The following SUMF2 variants were observed in gnomAD, a reference collection of about 807,000 sequenced individuals.
SUMF2 encodes the protein sulfatase modifying factor 2.
SUMF2 carries 45 observed loss-of-function variants against 44.8 expected under a neutral mutation model. The observed-to-expected ratio is 1.00, with a 90% confidence interval of 0.79 to 1.29. The LOEUF (loss-of-function observed/expected upper bound fraction) is 1.29. Among genes scored for constraint, SUMF2 ranks in the 50% most tolerant of loss-of-function variants. The pLI is 0.00. For synonymous variants in SUMF2, 148 were observed against 150.4 expected (o/e 0.98, Z 0.12); for missense variants, 418 against 389.9 (o/e 1.07, Z -0.61).
chr7:56,082,775 C>T (rs1371081495), downstream of SUMF2, among the ~76,000 whole-genome samples: 1 of 152,084 alleles, frequency 6.6e-6, no homozygotes, highest in Non-Finnish European at 1.5e-5. Flanking sequence ...TGGCCTGGAA[C>T]AAGGGTAATG....
chr7:56,081,966 C>CTCAGCA, downstream of SUMF2: 2 of 1,613,928 alleles, frequency 1.2e-6, no homozygotes, highest in Non-Finnish European at 1.7e-6. The surrounding 1 kb of genome is among the most constrained non-coding windows in gnomAD (Gnocchi z 4.6). Context: ...CATGATCATC[C>CTCAGCA]TCAGCATCAG....
downstream of SUMF2, chr7:56,082,245 C>T (rs373763601): frequency 1.9e-5 from 30 of 1,612,710 alleles, no homozygotes; most frequent in Admixed American, 3.3e-4. Context: ...CTGGGGGTCC[C>T]GCAGACCTCT....
chr7:56,064,414 G>T (rs1164838956), intron 1 of SUMF2, 36 bp downstream of exon 1: 1 of 1,580,626 alleles, frequency 6.3e-7, no homozygotes, highest in Non-Finnish European at 8.6e-7. Flanking sequence ...GGGGCGCTGG[G>T]AAGGGGATGG....
rs71015184 is a variant in SUMF2, at chr7:56,080,260, CTT to C, written c.*670_*671del. ...AGACAAATATCAGAAGCTTCCTATT[CTT>C]TTTTTTTTTTTTTTTTTTTTTGAGA... On this transcript the variant is annotated 3_prime_UTR_variant, in exon 9 of 9. Transcript: ENST00000434526. 261 of 105,412 alleles carry C rather than the reference CTT, an allele frequency of 2.5e-3. No individual in the cohort carries two copies. The highest frequency in any genetic ancestry group is 5.1e-3 in the South Asian group (16 of 3,136). The allele number at this position is 105,412 out of a possible 1,614,324, so 6.5% of individuals were successfully genotyped here. A position where few individuals can be genotyped will look rare whatever the true frequency, so the allele number is the denominator to read the frequency against.
At chr7:56,082,107 C>T, downstream of SUMF2, 4 of 1,611,336 alleles carry the variant, frequency 2.5e-6, no homozygotes, top group South Asian at 3.3e-5. Flanking sequence ...CCAGCCCTGC[C>T]TACTTCCTCC....
At chr7:56,077,007 TAAGCTGGTA>T in intron 6 of SUMF2, 118 bp downstream of exon 6, 4 of 854,160 alleles carry the variant, frequency 4.7e-6, no homozygotes, top group Non-Finnish European at 7.1e-6. Context: ...TGATGACTCA[TAAGCTGGTA>T]AAGCAAAAGA....
intron 2 of SUMF2, among the ~76,000 whole-genome samples, 186 bp from the exon 3 acceptor site, chr7:56,072,811 A>G (rs1238921095): frequency 6.6e-6 from 1 of 152,238 alleles, no homozygotes; most frequent in Non-Finnish European, 1.5e-5. Context: ...ATTTTACTGT[A>G]TGTGAATTCG....
chr7:56,070,638 G>A (rs200369118), intron 2 of SUMF2, among the ~76,000 whole-genome samples: 1,445 of 125,766 alleles, frequency 0.011, 14 homozygotes, highest in Non-Finnish European at 0.017. Flanking sequence ...TCAAAAAAAA[G>A]AAAAAAAAAA....
In SUMF2 at chr7:56,079,897, T is replaced by C. The variant is rs780811469; in HGVS notation, c.*285T>C. The C allele has an allele frequency of 6.6e-6, 10 of 1,515,942 alleles. No homozygotes were observed. The highest frequency in any genetic ancestry group is 8.9e-6 in the Non-Finnish European group (10 of 1,126,314). The allele number at this position is 1,515,942 out of a possible 1,614,324, so 93.9% of individuals were successfully genotyped here. A position where few individuals can be genotyped will look rare whatever the true frequency, so the allele number is the denominator to read the frequency against. On this transcript the variant is annotated 3_prime_UTR_variant, in exon 9 of 9. Transcript: ENST00000434526. Reference sequence around the variant, plus strand: ...CACAGGATTGCAAACACACAAACAATTGGAACAGAGCACTCTGAAAGGCCA... The same window carrying C: ...CACAGGATTGCAAACACACAAACAACTGGAACAGAGCACTCTGAAAGGCCA...
chr7:56,084,368 C>T (rs528474314), downstream of SUMF2: 84 of 525,328 alleles, frequency 1.6e-4, no homozygotes, highest in African/African-American at 1.2e-3. Flanking sequence ...GTGAGTATCC[C>T]GATTTTTTTT....
At chr7:56,081,075 G>A, downstream of SUMF2, 3 of 1,612,726 alleles carry the variant, frequency 1.9e-6, no homozygotes, top group Non-Finnish European at 2.5e-6. The surrounding 1 kb of genome is among the most constrained non-coding windows in gnomAD (Gnocchi z 4.6). Flanking sequence ...CCTCGGCCAG[G>A]GAGAGGAGCA....
intron 2 of SUMF2, among the ~76,000 whole-genome samples, chr7:56,072,391 A>G (rs1795229737): frequency 6.6e-6 from 1 of 151,970 alleles, no homozygotes; most frequent in Admixed American, 6.6e-5. Context: ...GTGTCACTGC[A>G]CTCCAGCCTG....
rs780569885 is a variant in SUMF2, at chr7:56,073,169, C to G, written c.339+58C>G. ...AGGAGTGGGACCTGGACAGGGAATCCTGTGGGACATGGGTTACCTGGGACA... is the reference window on the plus strand; with the variant it reads ...AGGAGTGGGACCTGGACAGGGAATCGTGTGGGACATGGGTTACCTGGGACA... On this transcript the variant is annotated intron_variant, in intron 3 of 8. Coordinates refer to ENST00000434526, the MANE Select transcript of SUMF2 (RefSeq NM_015411.4). 3.6e-6 allele frequency: 5 copies of G among 1,377,762 alleles called. No homozygotes were observed. The South Asian group carries it at 5.9e-5, about 16-fold the overall frequency. The allele number at this position is 1,377,762 out of a possible 1,614,324, so 85.3% of individuals were successfully genotyped here. A position where few individuals can be genotyped will look rare whatever the true frequency, so the allele number is the denominator to read the frequency against.
the SUMF2 span, among the ~76,000 whole-genome samples, chr7:56,086,439 G>A: frequency 0.018 from 2,739 of 152,222 alleles, 52 homozygotes; most frequent in Admixed American, 0.049. Context: ...TTGGGAGGCC[G>A]AGGTGGGAGA....
Position 56,076,900 on chromosome 7 carries a change from C to T in SUMF2, c.591+11C>T, listed in dbSNP as rs145198582. ...ACCAACCTGTGGCAGGTAAGACCTA[C>T]GTTCCTCCTTTCACCAAGCATTGAC... On this transcript the variant is annotated intron_variant, in intron 6 of 8. Coordinates refer to ENST00000434526, the MANE Select transcript of SUMF2 (RefSeq NM_015411.4). The T allele has an allele frequency of 2.7e-5, 44 of 1,603,292 alleles. No individual in the cohort carries two copies. The Middle Eastern group carries it at 1.2e-3, about 42-fold the overall frequency.
chr7:56,081,744 G>C, downstream of SUMF2: 4 of 1,613,626 alleles, frequency 2.5e-6, no homozygotes, highest in Non-Finnish European at 3.4e-6. This position sits in a 1 kb window ranked among gnomAD's most constrained non-coding sequence, Gnocchi z 4.6. Context: ...GCACCACCAG[G>C]AATCGGGAGA....
downstream of SUMF2, chr7:56,082,213 G>A (rs763610501): frequency 3.7e-6 from 6 of 1,613,788 alleles, no homozygotes; most frequent in East Asian, 2.2e-5. Context: ...TGGAGCACTC[G>A]ATAATCTCAG....
At chr7:56,064,432 C>A in intron 1 of SUMF2, 54 bp downstream of exon 1, 8 of 1,555,900 alleles carry the variant, frequency 5.1e-6, no homozygotes, top group Non-Finnish European at 6.9e-6. Context: ...TGGGGCGCTC[C>A]GCCCTGACGG....
chr7:56,082,177 C>A (rs1278717515), downstream of SUMF2: 2 of 1,613,982 alleles, frequency 1.2e-6, no homozygotes, highest in Admixed American at 3.3e-5. Context: ...CCACCTCTTT[C>A]CCGTAGCCCG....
Sources: allele counts gnomAD v4.1 joint callset (sites outside exome capture counted in the v4.1 genomes callset), GRCh38; gene constraint gnomAD v4.1.1; non-coding constraint Gnocchi (gnomAD v3.1); transcripts MANE v1.5; gene names NCBI Gene and HGNC (gene_info 2026-07-23, HGNC 2026-07-21).